Variants in DPEP2 observed in about 807,000 individuals in gnomAD.
The protein encoded by DPEP2 is dipeptidase 2.
In DPEP2, 45 loss-of-function variants were observed where a neutral mutation model predicts 51.8. The ratio of observed to expected loss-of-function variants is 0.87; its 90% CI spans 0.68 to 1.11. The LOEUF (loss-of-function observed/expected upper bound fraction) is 1.11, where lower values mean the gene tolerates loss of function less well. Among genes scored for constraint, DPEP2 ranks in the 50% most tolerant of loss-of-function variants. DPEP2 has a pLI of 0.00. For synonymous variants in DPEP2, 255 were observed against 262.7 expected, an observed-to-expected ratio of 0.97 and a Z score of 0.28; for missense variants, 604 against 631.9, an observed-to-expected ratio of 0.96 and a Z score of 0.47.
intron 1 of DPEP2, chr16:67,994,327 A>C (rs1431673946): frequency 1.9e-5 from 19 of 985,246 alleles, no homozygotes; most frequent in Non-Finnish European, 2.0e-5. Flanking sequence ...GAGCTCTCAC[A>C]GAAACCTCCA....
rs941767400 is a variant in DPEP2 at position 67,994,795 on chromosome 16, A to G, written c.-45-1538T>C. ...ATCCCAGCTTTGATGTATTTTAGGG[A>G]CTGCACACTTGATGTTGCCCAGTGT... On this transcript the variant is annotated intron_variant, in intron 1 of 10. Coordinates refer to ENST00000393847, the MANE Select transcript of DPEP2 (RefSeq NM_022355.4). 3.1e-5 allele frequency: 31 copies of G among 985,030 alleles called. No homozygotes were observed. In the African/African-American group the frequency reaches 4.0e-4, roughly 13 times the overall value. 61.0% of individuals were successfully genotyped at this position (985,030 alleles called of 1,614,324 possible).
chr16:67,988,398 AAAG>A (rs780705723), intron 9 of DPEP2, among the ~76,000 whole-genome samples: 9 of 149,216 alleles, frequency 6.0e-5, no homozygotes, highest in Non-Finnish European at 1.0e-4. Context: ...GACAAAAAAG[AAAG>A]AAAGAAAGAA....
intron 1 of DPEP2, among the ~76,000 whole-genome samples, chr16:67,998,317 G>A (rs1259148168): frequency 6.6e-6 from 1 of 152,162 alleles, no homozygotes; most frequent in Non-Finnish European, 1.5e-5. Flanking sequence ...AGCGGCCCGC[G>A]GGCCCTGCTG....
rs1373003668 is a variant in DPEP2 at position 67,990,834 on chromosome 16, A to T, written c.896T>A (p.Ile299Asn). 1.9e-6 allele frequency: 3 copies of T among 1,612,792 alleles called. No homozygotes were observed. Among genetic ancestry groups the T allele is most frequent in the Non-Finnish European group, 1.7e-6 (2 of 1,179,010 alleles). Residue 299 changes from isoleucine to asparagine, a missense_variant, in exon 7 of 11, where the codon ATC becomes AAC. Physicochemically the swap from Ile to Asn is moderately radical, Grantham distance 149. Transcript: ENST00000393847. Reference protein sequence around the residue: ...CNSARNVPDDILQLLKKNGGV... With the variant: ...CNSARNVPDDNLQLLKKNGGV... The stretch of plus-strand genomic sequence containing the variant: ...GCAGTTTCTCACCAGAAGCTGCAGG[A>T]TGTCATCAGGAACATTCCGAGCACT...
At chr16:68,000,093 A>T (rs960870768), upstream of DPEP2, among the ~76,000 whole-genome samples, 1 of 152,156 alleles carries the variant, frequency 6.6e-6, no homozygotes, top group African/African-American at 2.4e-5. Context: ...CACCTCAGTG[A>T]TGCTACGTCC....
intron 3 of DPEP2, 137 bp downstream of exon 3, chr16:67,992,373 G>T: frequency 6.9e-7 from 1 of 1,451,118 alleles, no homozygotes; most frequent in Non-Finnish European, 9.3e-7. Context: ...GCAGCCCCCA[G>T]CATCCATATC....
At chr16:67,993,445 G>A (rs565714831) in intron 1 of DPEP2, 188 bp from the exon 2 acceptor site, 6 of 1,257,348 alleles carry the variant, frequency 4.8e-6, no homozygotes, top group South Asian at 3.0e-5. Context: ...TCATCCCCAA[G>A]GGCGCTCCCG....
intron 1 of DPEP2, among the ~76,000 whole-genome samples, chr16:67,996,999 ATAT>A (rs35421512): frequency 0.33 from 45,807 of 138,836 alleles, 7,443 homozygotes; most frequent in East Asian, 0.44. Flanking sequence ...ATAGATAATG[ATAT>A]TATTATTATT....
chr16:67,999,570 G>GT (rs753182191), upstream of DPEP2: 20 of 924,694 alleles, frequency 2.2e-5, no homozygotes, highest in East Asian at 1.8e-3. Flanking sequence ...GCTAACACTT[G>GT]TTTACTTCTG....
chr16:67,995,634 G>T (rs1278893151), intron 1 of DPEP2, among the ~76,000 whole-genome samples: 1 of 152,154 alleles, frequency 6.6e-6, no homozygotes, highest in Non-Finnish European at 1.5e-5. Flanking sequence ...AAAGAATGAG[G>T]AACTGAACCT....
intron 1 of DPEP2, among the ~76,000 whole-genome samples, chr16:67,998,647 C>T (rs1285795742): frequency 3.9e-5 from 6 of 152,248 alleles, no homozygotes; most frequent in Non-Finnish European, 8.8e-5. Flanking sequence ...ATCCCTGGTG[C>T]GGGATCCACT....
In DPEP2 at chr16:67,991,093, G is replaced by C. The variant is rs775025316; in HGVS notation, c.732+22C>G. The C allele has an allele frequency of 6.2e-7, 1 of 1,614,182 alleles. No individual in the cohort carries two copies. Among genetic ancestry groups the C allele is most frequent in the Non-Finnish European group, 8.5e-7 (1 of 1,180,004 alleles). On this transcript the variant is annotated intron_variant, in intron 6 of 10. Coordinates refer to ENST00000393847, the MANE Select transcript of DPEP2 (RefSeq NM_022355.4). The surrounding 1 kb of genome is among the most constrained non-coding windows in gnomAD (Gnocchi z 5.1). ...GGGGTGTGCACATTTGTTTGGGGTG[G>C]AGTGTGAACCAGGGTCCTCACCTCA...
Position 67,991,954 on chromosome 16 carries a change from G to T in DPEP2, c.546C>A (p.Ala182=), listed in dbSNP as rs1185537822. 1 of 1,614,190 alleles carries T rather than the reference G, an allele frequency of 6.2e-7. No homozygotes were observed. The highest frequency in any genetic ancestry group is 1.7e-5 in the Admixed American group (1 of 60,024). The change falls in exon 5 of 11, where the codon GCC becomes GCA. Residue 182 remains alanine (A), a synonymous_variant. Transcript: ENST00000393847. This position sits in a 1 kb window ranked among gnomAD's most constrained non-coding sequence, Gnocchi z 5.1. ...AKALNDTQKL[A]CLIGVEGGHS... is the part of the protein sequence containing the mutation. ...GGCCACCCTCTACACCGATGAGGCA[G>T]GCCAATTTCTGAGTGTCGTTCAGAG...
rs200428783 is a variant in DPEP2, at chr16:67,993,175, C to G, written c.38G>C (p.Gly13Ala). Residue 13 changes from glycine (G) to alanine (A), a missense_variant, in exon 2 of 11, where the codon GGT becomes GCT. Gly to Ala is a moderately conservative substitution (Grantham distance 60). Transcript: ENST00000393847. ...CAGCAGACTCAGCAGAGGCCACCGA[C>G]CAAACGTGCCGGGACCCTCGAGGCC... ...PSGLEGPGTF[G>A]RWPLLSLLLL... is the part of the protein sequence containing the mutation. 8.7e-6 allele frequency: 13 copies of G among 1,499,810 alleles called. No individual in the cohort carries two copies. In the East Asian group the frequency reaches 2.7e-4, roughly 31 times the overall value. The allele number at this position is 1,499,810 out of a possible 1,614,324, so 92.9% of individuals were successfully genotyped here.
At position 67,993,079 on chromosome 16, in the gene DPEP2, G is replaced by T. The variant is rs756211499; in HGVS notation, c.134C>A (p.Thr45Lys). The change falls in exon 2 of 11, where the codon ACG becomes AAG. Residue 45 changes from threonine (T) to lysine (K), a missense_variant. By Grantham distance (78) the Thr-to-Lys change is moderately conservative. Transcript: ENST00000393847. The part of the protein sequence containing the change: ...TTPGPPRALT[T>K]LGAPRAHTMP... ...GGTGTGGGCTCTGGGGGCGCCCAGC[G>T]TGGTGAGGGCTCTGGGGGGGCCTGG... is the stretch of plus-strand genomic sequence containing the variant. 6.4e-7 allele frequency: 1 copy of T among 1,573,460 alleles called. No homozygotes were observed. Among genetic ancestry groups the T allele is most frequent in the Non-Finnish European group, 8.6e-7 (1 of 1,158,722 alleles).
chr16:67,994,870 T>A, intron 1 of DPEP2: 1 of 985,510 alleles, frequency 1.0e-6, no homozygotes, highest in South Asian at 4.7e-5. Context: ...CGAGGTGGGT[T>A]AACTGTCACG....
At chr16:67,992,892 C>T in intron 2 of DPEP2, 58 bp downstream of exon 2, 1 of 1,553,966 alleles carries the variant, frequency 6.4e-7, no homozygotes, top group Non-Finnish European at 8.7e-7. Flanking sequence ...TACTCTGGGA[C>T]CCTCCCTTGC....
At chr16:67,989,995 A>C (rs2031921389) in intron 8 of DPEP2, 52 bp downstream of exon 8, 1 of 1,597,570 alleles carries the variant, frequency 6.3e-7, no homozygotes, top group South Asian at 1.1e-5. Flanking sequence ...GGCCCTCCCA[A>C]GTCTTCAGGT....
chr16:67,992,209 G>A lies in DPEP2; in HGVS notation c.391-16C>T, dbSNP rs1031373734. On this transcript the variant is annotated splice_polypyrimidine_tract_variant and intron_variant, in intron 3 of 10. Coordinates refer to ENST00000393847, the MANE Select transcript of DPEP2 (RefSeq NM_022355.4). ...CTGACCAGAACTGGGGGGAAGGCCA[G>A]GGTTTGGCTTGGATGGGGGCTGCTT... 1.6e-5 allele frequency: 26 copies of A among 1,613,124 alleles called. No homozygotes were observed. The highest frequency in any genetic ancestry group is 2.1e-5 in the Non-Finnish European group (25 of 1,179,414).
Sources: gnomAD v4.1 joint callset for allele counts (sites outside exome capture counted in the v4.1 genomes callset) on GRCh38, gnomAD v4.1.1 for gene constraint, Gnocchi (gnomAD v3.1) non-coding constraint, MANE v1.5 for transcripts, NCBI Gene and HGNC (gene_info 2026-07-23, HGNC 2026-07-21) for gene names.